ASTN2: variants seen among roughly 807,000 people sequenced by gnomAD.
ASTN2 encodes the protein astrotactin-2.
Under a neutral mutation model 139.8 loss-of-function variants are expected in ASTN2, and 54 were observed. The ratio of observed to expected loss-of-function variants is 0.39; its 90% CI spans 0.31 to 0.48. ASTN2 has a LOEUF of 0.48. ASTN2 is among the 20% of genes least tolerant of loss of function. The pLI is 0.95. For missense variants in ASTN2, 1,565 were observed against 1,725.1 expected, an observed-to-expected ratio of 0.91 and a Z score of 1.64; for synonymous variants, 756 against 719.5, an observed-to-expected ratio of 1.05 and a Z score of -0.81.
chr9:116,893,434 C>T (rs1030969642), intron 10 of ASTN2, among the ~76,000 whole-genome samples: 6 of 152,108 alleles, frequency 3.9e-5, no homozygotes, highest in Non-Finnish European at 7.4e-5. Flanking sequence ...TAAGATTCTG[C>T]CCACTCTAAA....
chr9:116,722,918 C>T (rs1828512501), intron 16 of ASTN2, among the ~76,000 whole-genome samples: 1 of 152,282 alleles, frequency 6.6e-6, no homozygotes, highest in Non-Finnish European at 1.5e-5. Flanking sequence ...GTAATCTCAG[C>T]ACTTTGGGAG....
chr9:116,609,892 G>A (rs1183816923), intron 19 of ASTN2, among the ~76,000 whole-genome samples: 1 of 151,986 alleles, frequency 6.6e-6, no homozygotes, highest in African/African-American at 2.4e-5. Flanking sequence ...ATCACTTGAA[G>A]GTAACTGTGA....
At chr9:117,154,101 T>C (rs767093729) in intron 3 of ASTN2, among the ~76,000 whole-genome samples, 4 of 152,068 alleles carry the variant, frequency 2.6e-5, no homozygotes, top group African/African-American at 7.2e-5. Flanking sequence ...ATTAAACATA[T>C]GTAAGTCAAC....
intron 13 of ASTN2, among the ~76,000 whole-genome samples, chr9:116,775,845 C>A (rs553874603): frequency 8.6e-5 from 13 of 151,404 alleles, no homozygotes; most frequent in Admixed American, 4.6e-4. Flanking sequence ...GGCAGGCAGG[C>A]AGGCAGGCAG....
At chr9:116,427,677 T>C (rs1391250599) in intron 22 of ASTN2, among the ~76,000 whole-genome samples, 3 of 152,238 alleles carry the variant, frequency 2.0e-5, no homozygotes, top group South Asian at 2.1e-4. Context: ...GGACCGAGCT[T>C]ATGTGTATAC....
chr9:116,927,860 T>C (rs1834798142), intron 10 of ASTN2, among the ~76,000 whole-genome samples: 1 of 152,224 alleles, frequency 6.6e-6, no homozygotes, highest in South Asian at 2.1e-4. Context: ...TACTGCCCTG[T>C]TGCTGCATAA....
At chr9:117,250,290 T>C (rs1833502725) in intron 2 of ASTN2, among the ~76,000 whole-genome samples, 4 of 152,204 alleles carry the variant, frequency 2.6e-5, no homozygotes, top group Middle Eastern at 3.2e-3. Flanking sequence ...TCTTTGCCCA[T>C]TGAGGCCCCT....
At chr9:117,323,426 G>A (rs1299397143) in intron 1 of ASTN2, among the ~76,000 whole-genome samples, 1 of 151,906 alleles carries the variant, frequency 6.6e-6, no homozygotes, top group Admixed American at 6.6e-5. Flanking sequence ...TCTTTGCTCC[G>A]GCCTTAGATA....
At chr9:116,982,165 G>T (rs1379602124) in intron 7 of ASTN2, among the ~76,000 whole-genome samples, 1 of 152,224 alleles carries the variant, frequency 6.6e-6, no homozygotes. Flanking sequence ...AGTTCAGAGT[G>T]TGGGTGGGCC....
chr9:116,637,443 A>C (rs538223328), intron 17 of ASTN2, among the ~76,000 whole-genome samples: 4 of 152,332 alleles, frequency 2.6e-5, no homozygotes, highest in Admixed American at 6.5e-5. Context: ...ATGGTAAAAC[A>C]AAAGCTTACG....
intron 10 of ASTN2, among the ~76,000 whole-genome samples, chr9:116,970,343 G>A (rs550472438): frequency 1.3e-5 from 2 of 152,272 alleles, no homozygotes; most frequent in South Asian, 4.1e-4. Flanking sequence ...TCATGCGAAT[G>A]CTACTGGTCC....
At position 116,847,007 on chromosome 9, in the gene ASTN2, C is replaced by CAA. The variant is rs11302692; in HGVS notation, c.2040+16574_2040+16575dup. ...AATTATAAAGCCTTAGCTTCATTCT[C>CAA]AAAAAAAAAAAAAAAAAAACAAAAA... On this transcript the variant is annotated intron_variant, in intron 11 of 22. Coordinates refer to ENST00000313400, the MANE Select transcript of ASTN2 (RefSeq NM_001365068.1). Among the ~76,000 whole-genome samples the CAA allele has an allele frequency of 1.7e-3, 128 of 75,834 alleles. 1 individual carries two copies. Among genetic ancestry groups the CAA allele is most frequent in the African/African-American group, 5.1e-3 (103 of 20,260 alleles). The allele number at this position is 75,834 out of a possible 152,430, so 49.8% of individuals were successfully genotyped here. A position where few individuals can be genotyped will look rare whatever the true frequency, so the allele number is the denominator to read the frequency against.
At chr9:116,664,402 T>C (rs1588160045) in intron 16 of ASTN2, among the ~76,000 whole-genome samples, 1 of 149,580 alleles carries the variant, frequency 6.7e-6, no homozygotes, top group South Asian at 2.1e-4. Context: ...TAGAGTGCTC[T>C]CTTTTGTATA....
chr9:117,362,173 C>T lies in ASTN2; in HGVS notation c.442+52324G>A, dbSNP rs185149379. On this transcript the variant is annotated intron_variant, in intron 1 of 22. Transcript: ENST00000313400. ...AGTTTTAATAGAGACGGGGTTTTGC[C>T]ATGTTGGCCAGGCTGGTCTCAAACT... Among the ~76,000 whole-genome samples, 670 of 152,232 alleles carry T rather than the reference C, an allele frequency of 4.4e-3. 2 individuals are homozygous for T. The highest frequency in any genetic ancestry group is 0.028 in the South Asian group (137 of 4,824).
At chr9:116,791,025 AAGAAAG>A (rs1830536739) in intron 13 of ASTN2, among the ~76,000 whole-genome samples, 2 of 126,240 alleles carry the variant, frequency 1.6e-5, no homozygotes, top group African/African-American at 5.9e-5. Flanking sequence ...GAAAGAAAGA[AAGAAAG>A]AAAGAAAGAA....
At chr9:117,131,710 T>C (rs73657671) in intron 4 of ASTN2, among the ~76,000 whole-genome samples, 4,553 of 152,310 alleles carry the variant, frequency 0.03, 225 homozygotes, top group African/African-American at 0.1. Flanking sequence ...CTTTAGATAA[T>C]GTTTAACTCA....
At chr9:116,570,029 G>A (rs1214471186) in intron 19 of ASTN2, among the ~76,000 whole-genome samples, 1 of 152,198 alleles carries the variant, frequency 6.6e-6, no homozygotes, top group Non-Finnish European at 1.5e-5. Flanking sequence ...ACCATGGGGT[G>A]GAAAAGTCAG....
chr9:117,085,884 G>A (rs1408165243), intron 5 of ASTN2, among the ~76,000 whole-genome samples: 1 of 152,118 alleles, frequency 6.6e-6, no homozygotes, highest in Middle Eastern at 3.2e-3. Context: ...ATAATGGCCT[G>A]ACCAGATTTT....
rs1157268255 is a variant in ASTN2, at chr9:116,769,643, C to T, written c.2396+35989G>A. ...GGCAGGAGAAGAAACACCTGTTCCC[C>T]TAAGGCAGGAAGAGATGCAAGAATA... On this transcript the variant is annotated intron_variant, in intron 13 of 22. Coordinates refer to ENST00000313400, the MANE Select transcript of ASTN2 (RefSeq NM_001365068.1). Among the ~76,000 whole-genome samples the T allele has an allele frequency of 2.6e-5, 4 of 152,110 alleles. No individual in the cohort carries two copies. The South Asian group carries it at 6.2e-4, about 24-fold the overall frequency.
Sources: gnomAD v4.1 joint callset for allele counts (sites outside exome capture counted in the v4.1 genomes callset) on GRCh38, gnomAD v4.1.1 for gene constraint, MANE v1.5 for transcripts, NCBI Gene and HGNC (gene_info 2026-07-23, HGNC 2026-07-21) for gene names.